Variants in DPY19L3 observed in about 807,000 individuals in gnomAD.
The protein encoded by DPY19L3 is protein C-mannosyl-transferase DPY19L3.
In DPY19L3, 51 loss-of-function variants were observed where a neutral mutation model predicts 92.3. That is an observed-to-expected ratio of 0.55 (90% CI 0.44 to 0.70). The LOEUF (loss-of-function observed/expected upper bound fraction) is 0.70. Ranked by LOEUF, DPY19L3 falls within the 30% of genes least tolerant of loss-of-function variation. The probability of loss-of-function intolerance (pLI) is 0.00; values close to 1 mark genes in which losing one functional copy is unlikely to be tolerated. For synonymous variants in DPY19L3, 309 were observed against 315.2 expected, an observed-to-expected ratio of 0.98 and a Z score of 0.21; for missense variants, 706 against 855.9, an observed-to-expected ratio of 0.82 and a Z score of 2.18.
chr19:32,461,265 A>G (rs1001852469), intron 12 of DPY19L3, among the ~76,000 whole-genome samples: 1 of 151,980 alleles, frequency 6.6e-6, no homozygotes, highest in Admixed American at 6.6e-5. Context: ...TGTTGGGATG[A>G]CAGGCATGAG....
In DPY19L3 at chr19:32,475,378, C is replaced by T. The variant is rs889567036; in HGVS notation, c.1698-2144C>T. Among the ~76,000 whole-genome samples, 18 of 152,164 alleles carry T rather than the reference C, an allele frequency of 1.2e-4. 1 individual carries two copies. Among genetic ancestry groups the T allele is most frequent in the Admixed American group, 1.1e-3 (17 of 15,274 alleles). On this transcript the variant is annotated intron_variant, in intron 16 of 18. Coordinates refer to ENST00000392250, the MANE Select transcript of DPY19L3 (RefSeq NM_001172774.2). Reference sequence around the variant, plus strand: ...CGCCTCCACCTCCTGCTCTGCCAGGCGTGGAAACCAGACTCATCATGTTCT... The same window carrying T: ...CGCCTCCACCTCCTGCTCTGCCAGGTGTGGAAACCAGACTCATCATGTTCT...
chr19:32,449,749 C>A (rs1031834396), intron 8 of DPY19L3, among the ~76,000 whole-genome samples: 54 of 152,202 alleles, frequency 3.5e-4, no homozygotes, highest in African/African-American at 1.3e-3. Flanking sequence ...CCCTTCCTCT[C>A]ACTGTACACA....
At chr19:32,416,533 C>T (rs568141580) in intron 3 of DPY19L3, among the ~76,000 whole-genome samples, 1 of 152,360 alleles carries the variant, frequency 6.6e-6, no homozygotes, top group South Asian at 2.1e-4. Context: ...CCACCACCCA[C>T]TCAGGTTCAA....
chr19:32,415,227 T>A (rs558647456), intron 3 of DPY19L3, among the ~76,000 whole-genome samples: 2 of 152,326 alleles, frequency 1.3e-5, no homozygotes, highest in African/African-American at 4.8e-5. Context: ...TAGAGAGCAC[T>A]GTGGGAGCAC....
chr19:32,458,277 C>G lies in DPY19L3; in HGVS notation c.1164-74C>G. The G allele has an allele frequency of 1.9e-6, 3 of 1,584,692 alleles. No individual in the cohort carries two copies. The South Asian group carries it at 3.5e-5, about 18-fold the overall frequency. ...CCTTCAACTATTAATTGCAGACTCCCTCTGAGGAAAGATGCAATGTCATTT... is the reference window on the plus strand; with the variant it reads ...CCTTCAACTATTAATTGCAGACTCCGTCTGAGGAAAGATGCAATGTCATTT... On this transcript the variant is annotated intron_variant, in intron 11 of 18. Coordinates refer to ENST00000392250, the MANE Select transcript of DPY19L3 (RefSeq NM_001172774.2).
chr19:32,420,351 C>A (rs1353443574), intron 3 of DPY19L3, among the ~76,000 whole-genome samples: 2 of 152,120 alleles, frequency 1.3e-5, no homozygotes, highest in African/African-American at 2.4e-5. Context: ...GACATGACTT[C>A]CGGAGCTTGC....
intron 1 of DPY19L3, among the ~76,000 whole-genome samples, chr19:32,406,976 G>A (rs76200893): frequency 0.012 from 1,757 of 149,612 alleles, 34 homozygotes; most frequent in African/African-American, 0.04. Context: ...GTGCTTGAAA[G>A]CACAGTACTT....
chr19:32,453,645 A>G (rs954892731), intron 9 of DPY19L3, among the ~76,000 whole-genome samples: 2 of 152,092 alleles, frequency 1.3e-5, no homozygotes, highest in African/African-American at 4.8e-5. Flanking sequence ...GAGCGTGTTC[A>G]TTACAGTCCT....
chr19:32,433,286 C>G, intron 4 of DPY19L3, among the ~76,000 whole-genome samples: 1 of 152,178 alleles, frequency 6.6e-6, no homozygotes, highest in East Asian at 1.9e-4. Context: ...ATGAAAGCCC[C>G]AACATGGATC....
intron 16 of DPY19L3, among the ~76,000 whole-genome samples, chr19:32,473,797 T>C (rs777991335): frequency 3.9e-5 from 6 of 152,202 alleles, no homozygotes; most frequent in Non-Finnish European, 8.8e-5. Flanking sequence ...AAATAAGTGT[T>C]ATTTTTGGTT....
intron 15 of DPY19L3, 24 bp from the exon 16 acceptor site, chr19:32,468,696 ATTTTGTTTTTG>A (rs1568357783): frequency 1.2e-6 from 2 of 1,608,706 alleles, no homozygotes; most frequent in South Asian, 1.1e-5. Flanking sequence ...GTAGGGGTGG[ATTTTGTTTTTG>A]TTTTGTTTTG....
At chr19:32,475,456 G>T (rs1315447945) in intron 16 of DPY19L3, among the ~76,000 whole-genome samples, 2 of 152,186 alleles carry the variant, frequency 1.3e-5, no homozygotes, top group African/African-American at 4.8e-5. Flanking sequence ...CCACTTTTTG[G>T]CATGGGTGTG....
chr19:32,423,618 A>G (rs1468192144), intron 3 of DPY19L3, among the ~76,000 whole-genome samples: 1 of 151,684 alleles, frequency 6.6e-6, no homozygotes, highest in African/African-American at 2.4e-5. Context: ...TCTAATACAC[A>G]AGAATGCCAA....
rs533598880 is a variant in DPY19L3 at position 32,425,524 on chromosome 19, G to A, written c.238-7192G>A. 1.7e-4 allele frequency among the ~76,000 whole-genome samples: 26 copies of A among 151,652 alleles called. No homozygotes were observed. The South Asian group carries it at 2.7e-3, about 16-fold the overall frequency. ...TGAGATGGCGCCACTGTGCTCCATC[G>A]TGGGTAACAGAGCGAGACTCTGTCT... is the stretch of plus-strand genomic sequence containing the variant. On this transcript the variant is annotated intron_variant, in intron 3 of 18. Transcript: ENST00000392250.
At chr19:32,463,564 T>C (rs1341552352) in intron 13 of DPY19L3, 76 bp downstream of exon 13, 6 of 1,496,664 alleles carry the variant, frequency 4.0e-6, no homozygotes, top group Non-Finnish European at 5.5e-6. Context: ...ATTTGGAAAG[T>C]GACAATCATC....
rs751235687 is a variant in DPY19L3, at chr19:32,419,336, A to AT, written c.237+7970dup. Among the ~76,000 whole-genome samples the AT allele has an allele frequency of 1.1e-4, 16 of 151,360 alleles. No homozygotes were observed. In the East Asian group the frequency reaches 1.2e-3, roughly 11 times the overall value. On this transcript the variant is annotated intron_variant, in intron 3 of 18. Transcript: ENST00000392250. ...CTGCCACGCCTGGCTAATTTTTTGT[A>AT]TTTTTTAGTAGAGACGGAGTTTCAC...
rs753999759 is a variant in DPY19L3 at position 32,480,509 on chromosome 19, C to T, written c.1941C>T (p.His647=). 2 of 1,614,064 alleles carry T rather than the reference C, an allele frequency of 1.2e-6. No individual in the cohort carries two copies. Among genetic ancestry groups the T allele is most frequent in the African/African-American group, 1.3e-5 (1 of 74,946 alleles). The part of the protein sequence containing the change: ...LEDSICYERR[H]RRGCRLRDLL... ...ACAGCATCTGCTACGAGCGGAGGCA[C>T]CGCCGGGGCTGCCGACTCCGGGACC... Residue 647 remains histidine (H), a synonymous_variant, in exon 18 of 19, where the codon CAC becomes CAT. Coordinates refer to ENST00000392250, the MANE Select transcript of DPY19L3 (RefSeq NM_001172774.2).
chr19:32,469,613 C>T (rs574086436), intron 16 of DPY19L3, among the ~76,000 whole-genome samples: 6 of 152,158 alleles, frequency 3.9e-5, no homozygotes, highest in African/African-American at 9.6e-5. Context: ...CATGTTAACT[C>T]ATCATATTGC....
chr19:32,417,958 A>G (rs1387581514), intron 3 of DPY19L3, among the ~76,000 whole-genome samples: 1 of 152,212 alleles, frequency 6.6e-6, no homozygotes, highest in Non-Finnish European at 1.5e-5. Context: ...ACCTAGAAAT[A>G]CAGAATAAAG....
Sources: gnomAD v4.1 joint callset for allele counts (sites outside exome capture counted in the v4.1 genomes callset) on GRCh38, gnomAD v4.1.1 for gene constraint, MANE v1.5 for transcripts, NCBI Gene and HGNC (gene_info 2026-07-23, HGNC 2026-07-21) for gene names.